The following RARB variants were observed in gnomAD, a reference collection of about 807,000 sequenced individuals.
RARB encodes retinoic acid receptor beta, also known as HBV-activated protein.
RARB carries 17 observed loss-of-function variants against 51.9 expected under a neutral mutation model. The observed-to-expected ratio is 0.33, with a 90% CI of 0.22 to 0.49. The LOEUF is 0.49. Among genes scored for constraint, RARB ranks in the 20% least tolerant of loss-of-function variants. The pLI is 0.99. For missense variants in RARB, 369 were observed against 550.8 expected (o/e 0.67, Z 3.30); for synonymous variants, 215 against 195.4 (o/e 1.10, Z -0.84).
chr3:25,093,336 G>A (rs933623632), intron 3 of RARB, among the ~76,000 whole-genome samples: 2 of 152,092 alleles, frequency 1.3e-5, no homozygotes, highest in Non-Finnish European at 2.9e-5. Flanking sequence ...AACTAACTTT[G>A]CAAAAACTAT....
intron 2 of RARB, among the ~76,000 whole-genome samples, chr3:24,900,304 A>T (rs2125370984): frequency 6.6e-6 from 1 of 152,342 alleles, no homozygotes; most frequent in Non-Finnish European, 1.5e-5. Context: ...AATTAGGATA[A>T]ACTATTACAG....
At chr3:24,884,544 G>A (rs186732082) in intron 2 of RARB, among the ~76,000 whole-genome samples, 6 of 152,144 alleles carry the variant, frequency 3.9e-5, no homozygotes, top group Admixed American at 3.3e-4. Context: ...GCATAGTAAT[G>A]GTAGATTTTG....
intron 3 of RARB, among the ~76,000 whole-genome samples, chr3:25,120,995 C>T (rs1269998512): frequency 6.6e-6 from 1 of 152,088 alleles, no homozygotes; most frequent in East Asian, 1.9e-4. Flanking sequence ...TTGGCCAGCT[C>T]CTGATTTAAA....
At chr3:25,344,486 G>A (rs1384403226) in intron 5 of RARB, among the ~76,000 whole-genome samples, 1 of 152,200 alleles carries the variant, frequency 6.6e-6, no homozygotes, top group Admixed American at 6.5e-5. Context: ...CATTGTGTCA[G>A]TGGTAAACTG....
chr3:24,966,310 T>C (rs1696254421), intron 2 of RARB, among the ~76,000 whole-genome samples: 1 of 152,152 alleles, frequency 6.6e-6, no homozygotes, highest in Non-Finnish European at 1.5e-5. Flanking sequence ...TGGGGAGTTG[T>C]AGGAGATTAA....
At chr3:25,171,421 G>A (rs544583358) in intron 4 of RARB, among the ~76,000 whole-genome samples, 1 of 139,410 alleles carries the variant, frequency 7.2e-6, no homozygotes, top group South Asian at 2.2e-4. Context: ...CCTAATGTCG[G>A]GATTTTCTCG....
intron 1 of RARB, among the ~76,000 whole-genome samples, chr3:24,829,696 G>A (rs2125325085): frequency 6.6e-6 from 1 of 152,326 alleles, no homozygotes; most frequent in East Asian, 1.9e-4. Flanking sequence ...GCGCCTGTCT[G>A]ACAGTCTCCC....
At chr3:24,892,716 A>G (rs1281972947) in intron 2 of RARB, among the ~76,000 whole-genome samples, 1 of 152,210 alleles carries the variant, frequency 6.6e-6, no homozygotes, top group African/African-American at 2.4e-5. Context: ...TCTTAGTGTA[A>G]GAGTCAGTCA....
intron 5 of RARB, among the ~76,000 whole-genome samples, chr3:25,347,064 G>A (rs1705417003): frequency 6.6e-6 from 1 of 152,320 alleles, no homozygotes; most frequent in Non-Finnish European, 1.5e-5. Context: ...TGAGAATGAA[G>A]GAGTAGGTTG....
At chr3:25,521,823 C>T (rs1328041149) in intron 3 of RARB, among the ~76,000 whole-genome samples, 1 of 152,062 alleles carries the variant, frequency 6.6e-6, no homozygotes, top group Non-Finnish European at 1.5e-5. Context: ...TGTAACATCC[C>T]TTTAATTAGA....
At chr3:25,262,617 C>T (rs1703028343) in intron 5 of RARB, among the ~76,000 whole-genome samples, 2 of 152,146 alleles carry the variant, frequency 1.3e-5, no homozygotes, top group African/African-American at 4.8e-5. Context: ...CTGGTTGACT[C>T]CTTCTCACAC....
chr3:25,290,385 A>G (rs776334714), intron 5 of RARB, among the ~76,000 whole-genome samples: 8 of 152,164 alleles, frequency 5.3e-5, no homozygotes, highest in African/African-American at 9.7e-5. Context: ...AGGCCTCAGA[A>G]GAAGCAACCC....
intron 2 of RARB, among the ~76,000 whole-genome samples, chr3:24,937,374 C>T (rs1468944280): frequency 2.0e-5 from 3 of 152,066 alleles, no homozygotes; most frequent in Non-Finnish European, 4.4e-5. Flanking sequence ...AAGAGTCTAC[C>T]CTGGTGCCAG....
chr3:25,365,490 C>T (rs7636904), intron 5 of RARB, among the ~76,000 whole-genome samples: 1 of 151,828 alleles, frequency 6.6e-6, no homozygotes, highest in African/African-American at 2.4e-5. Context: ...TAACAAACCA[C>T]CCAGAACTGA....
In RARB at chr3:25,451,136, A is replaced by G. The variant is rs1470504453; in HGVS notation, c.158-10057A>G. 2.0e-5 allele frequency among the ~76,000 whole-genome samples: 3 copies of G among 152,340 alleles called. 1 individual carries two copies. The highest frequency in any genetic ancestry group is 7.2e-5 in the African/African-American group (3 of 41,584). ...AAAAAACCCTGCCCTAGATTAAGGA[A>G]GGTGGAAGGGAAATGTGTTTGTGGG... On this transcript the variant is annotated intron_variant, in intron 1 of 7. Coordinates refer to ENST00000330688, the MANE Select transcript of RARB (RefSeq NM_000965.5).
chr3:25,110,130 G>A (rs1032398666), intron 3 of RARB, among the ~76,000 whole-genome samples: 2 of 152,068 alleles, frequency 1.3e-5, no homozygotes, highest in Admixed American at 1.3e-4. Flanking sequence ...TACCAGGAGT[G>A]GTATCCTCCA....
chr3:25,504,732 A>T (rs1697488832), intron 3 of RARB, among the ~76,000 whole-genome samples: 1 of 150,894 alleles, frequency 6.6e-6, no homozygotes, highest in African/African-American at 2.4e-5. Context: ...AGCTAACTGG[A>T]CAGGGTATTT....
intron 5 of RARB, among the ~76,000 whole-genome samples, chr3:25,182,667 G>A (rs1700885442): frequency 6.6e-6 from 1 of 152,094 alleles, no homozygotes; most frequent in Non-Finnish European, 1.5e-5. Context: ...ACTTGTGTGT[G>A]GTGTCAGGTT....
chr3:24,916,104 C>A (rs1025906777), intron 2 of RARB, among the ~76,000 whole-genome samples: 1 of 152,018 alleles, frequency 6.6e-6, no homozygotes, highest in African/African-American at 2.4e-5. Context: ...TAGTTTACTT[C>A]TGTGTAATGA....
Sources: gnomAD v4.1 joint callset for allele counts (sites outside exome capture counted in the v4.1 genomes callset) on GRCh38, gnomAD v4.1.1 for gene constraint, MANE v1.5 for transcripts, NCBI Gene and HGNC (gene_info 2026-07-23, HGNC 2026-07-21) for gene names.